The following RNF113B variants were observed in gnomAD, a reference collection of about 807,000 sequenced individuals.
The protein encoded by RNF113B is zinc finger protein 183-like 1.
In RNF113B, 12 loss-of-function variants were observed where a neutral mutation model predicts 22.2. The ratio of observed to expected loss-of-function variants is 0.54; its 90% CI spans 0.35 to 0.87. The LOEUF is 0.87. Among genes scored for constraint, RNF113B ranks in the 40% least tolerant of loss-of-function variants. RNF113B has a pLI of 0.01. For synonymous variants in RNF113B, 194 were observed against 184.6 expected, an observed-to-expected ratio of 1.05 and a Z score of -0.41; for missense variants, 442 against 455.4, an observed-to-expected ratio of 0.97 and a Z score of 0.27.
rs1388358016 is a variant in RNF113B at position 98,176,211 on chromosome 13, A to T, written c.956-35T>A. ...CAAAAAAATTTATTTAAATGTGAGA[A>T]TTATGGGAAACCTAAGCCATGGGAA... On this transcript the variant is annotated intron_variant, in intron 1 of 1. Coordinates refer to ENST00000267291, the MANE Select transcript of RNF113B (RefSeq NM_178861.5). The surrounding 1 kb of genome is among the most constrained non-coding windows in gnomAD (Gnocchi z 6.2). The T allele has an allele frequency of 6.2e-7, 1 of 1,609,504 alleles. No individual in the cohort carries two copies. Among genetic ancestry groups the T allele is most frequent in the Admixed American group, 1.7e-5 (1 of 59,938 alleles).
At position 98,176,473 on chromosome 13, in the gene RNF113B, C is replaced by G. The variant is rs199776079; in HGVS notation, c.764G>C (p.Arg255Thr). The change falls in exon 1 of 2, where the codon AGG becomes ACG. Residue 255 changes from arginine (R) to threonine (T), a missense_variant. Transcript: ENST00000267291. The surrounding 1 kb of genome is among the most constrained non-coding windows in gnomAD (Gnocchi z 6.2). ...GAAGGCCTGGCGACATATGAAACACCTGAATGGTATTTCCTCTTCCTCGCT... is the reference window on the plus strand; with the variant it reads ...GAAGGCCTGGCGACATATGAAACACGTGAATGGTATTTCCTCTTCCTCGCT... Reference protein sequence around the residue: ...VGSEEEEIPFRCFICRQAFQN... With the variant: ...VGSEEEEIPFTCFICRQAFQN... 2 of 1,614,100 alleles carry G rather than the reference C, an allele frequency of 1.2e-6. No individual in the cohort carries two copies. Among genetic ancestry groups the G allele is most frequent in the South Asian group, 2.2e-5 (2 of 91,086 alleles).
At position 98,176,560 on chromosome 13, in the gene RNF113B, A is replaced by G. The variant is rs1429317414; in HGVS notation, c.677T>C (p.Ile226Thr). The change falls in exon 1 of 2, where the codon ATT (isoleucine) becomes ACT (threonine). Residue 226 changes from isoleucine (I) to threonine (T), a missense_variant. Transcript: ENST00000267291. This position sits in a 1 kb window ranked among gnomAD's most constrained non-coding sequence, Gnocchi z 6.2. ...GCGACCCTCTTCAAGCTCCCGTTCA[A>G]TCTCCCACCCGAGCTTGTAATCGGA... ...DRSDYKLGWE[I>T]ERELEEGRYC... 4 of 1,613,946 alleles carry G rather than the reference A, an allele frequency of 2.5e-6. No individual in the cohort carries two copies. The highest frequency in any genetic ancestry group is 3.4e-6 in the Non-Finnish European group (4 of 1,180,008).
Position 98,176,517 on chromosome 13 carries a change from GTCC to G in RNF113B, c.717_719del (p.Glu239del), listed in dbSNP as rs759601974. The G allele has an allele frequency of 5.0e-6, 8 of 1,614,134 alleles. No homozygotes were observed. In the South Asian group the frequency reaches 7.7e-5, roughly 16 times the overall value. ...CCTCGCTTCCCACTTCATGGTTTTCGTCCTCGCAGATACAGTAGCGACCCTCTT... is the reference window on the plus strand; with the variant it reads ...CCTCGCTTCCCACTTCATGGTTTTCGTCGCAGATACAGTAGCGACCCTCTT... On this transcript the variant is annotated inframe_deletion, in exon 1 of 2. Coordinates refer to ENST00000267291, the MANE Select transcript of RNF113B (RefSeq NM_178861.5). This position sits in a 1 kb window ranked among gnomAD's most constrained non-coding sequence, Gnocchi z 6.2.
Position 98,176,816 on chromosome 13 carries a change from G to T in RNF113B, c.421C>A (p.Arg141=). The change falls in exon 1 of 2, where the codon CGG becomes AGG. Residue 141 remains arginine (R), a synonymous_variant. Coordinates refer to ENST00000267291, the MANE Select transcript of RNF113B (RefSeq NM_178861.5). The surrounding 1 kb of genome is among the most constrained non-coding windows in gnomAD (Gnocchi z 6.2). ...SQRVQEALRG[R]EHDHIYRGIH... ...CCCCGGTAGATGTGGTCGTGCTCCC[G>T]ACCCCGCAGTGCCTCCTGGACCCGC... The T allele has an allele frequency of 6.2e-7, 1 of 1,613,082 alleles. No individual in the cohort carries two copies.
rs1877974481 is a variant in RNF113B, at chr13:98,175,872, T to G, written c.*291A>C. On this transcript the variant is annotated 3_prime_UTR_variant, in exon 2 of 2. Coordinates refer to ENST00000267291, the MANE Select transcript of RNF113B (RefSeq NM_178861.5). ...CATGTGATCCTTAAAAGGATCAGTT[T>G]AAATCTTTAAAAGGATTTCCTTCCC... is the stretch of plus-strand genomic sequence containing the variant. 2 of 418,706 alleles carry G rather than the reference T, an allele frequency of 4.8e-6. No individual in the cohort carries two copies. Among genetic ancestry groups the G allele is most frequent in the African/African-American group, 4.0e-5 (2 of 49,610 alleles). The allele number at this position is 418,706 out of a possible 1,614,324, so 25.9% of individuals were successfully genotyped here.
In RNF113B at chr13:98,176,143, C is replaced by T; in HGVS notation, c.*20G>A. Reference sequence around the variant, plus strand: ...CAACAGGCTGCTTCTCCCCAGTGTACATACAGACTTGAGTCTTTCTTATCT... The same window carrying T: ...CAACAGGCTGCTTCTCCCCAGTGTATATACAGACTTGAGTCTTTCTTATCT... On this transcript the variant is annotated 3_prime_UTR_variant, in exon 2 of 2. Coordinates refer to ENST00000267291, the MANE Select transcript of RNF113B (RefSeq NM_178861.5). The surrounding 1 kb of genome is among the most constrained non-coding windows in gnomAD (Gnocchi z 6.2). 6.2e-7 allele frequency: 1 copy of T among 1,601,534 alleles called. No individual in the cohort carries two copies. Among genetic ancestry groups the T allele is most frequent in the Non-Finnish European group, 8.6e-7 (1 of 1,169,264 alleles).
In RNF113B at chr13:98,176,926, C is replaced by T. The variant is rs779033803; in HGVS notation, c.311G>A (p.Gly104Glu). 8.1e-6 allele frequency: 13 copies of T among 1,603,680 alleles called. No homozygotes were observed. In the Admixed American group the frequency reaches 2.2e-4, roughly 27 times the overall value. ...AGCGGTGGCCCCCATGTCCTCTGGC[C>T]CCACAGGCTTCGCCGAGCGGGTGGA... ...YRSTRSAKPV[G>E]PEDMGATADF... is the part of the protein sequence containing the mutation. The change falls in exon 1 of 2, where the codon GGG (glycine) becomes GAG (glutamate). Residue 104 changes from glycine to glutamate, a missense_variant. Coordinates refer to ENST00000267291, the MANE Select transcript of RNF113B (RefSeq NM_178861.5). This position sits in a 1 kb window ranked among gnomAD's most constrained non-coding sequence, Gnocchi z 6.2.
Position 98,176,615 on chromosome 13 carries a change from C to G in RNF113B, c.622G>C (p.Gly208Arg), listed in dbSNP as rs564848599. The G allele has an allele frequency of 2.5e-6, 4 of 1,614,222 alleles. 1 individual carries two copies. The highest frequency in any genetic ancestry group is 3.3e-4 in the Middle Eastern group (2 of 6,062). ...TCGTGGAGGAATTTGCAGCTGTCCCCGAAGCCACAGAAGCCAGTCTCCTTG... is the reference window on the plus strand; with the variant it reads ...TCGTGGAGGAATTTGCAGCTGTCCCGGAAGCCACAGAAGCCAGTCTCCTTG... ...DYKETGFCGF[G>R]DSCKFLHDRS... The change falls in exon 1 of 2, where the codon GGG becomes CGG. Residue 208 changes from glycine (G) to arginine (R), a missense_variant. Gly to Arg is a moderately radical substitution (Grantham distance 125). Coordinates refer to ENST00000267291, the MANE Select transcript of RNF113B (RefSeq NM_178861.5). This position sits in a 1 kb window ranked among gnomAD's most constrained non-coding sequence, Gnocchi z 6.2.
chr13:98,176,613 C>G lies in RNF113B; in HGVS notation c.624G>C (p.Gly208=). 1.2e-6 allele frequency: 2 copies of G among 1,614,198 alleles called. No homozygotes were observed. Among genetic ancestry groups the G allele is most frequent in the Non-Finnish European group, 1.7e-6 (2 of 1,180,042 alleles). Residue 208 remains glycine (G), a synonymous_variant, in exon 1 of 2, where the codon GGG becomes GGC. Coordinates refer to ENST00000267291, the MANE Select transcript of RNF113B (RefSeq NM_178861.5). This position sits in a 1 kb window ranked among gnomAD's most constrained non-coding sequence, Gnocchi z 6.2. The part of the protein sequence containing the change: ...DYKETGFCGF[G]DSCKFLHDRS... ...GGTCGTGGAGGAATTTGCAGCTGTC[C>G]CCGAAGCCACAGAAGCCAGTCTCCT... is the stretch of plus-strand genomic sequence containing the variant.
rs1207482065 is a variant in RNF113B at position 98,177,096 on chromosome 13, G to C, written c.141C>G (p.Ser47Arg). The C allele has an allele frequency of 1.3e-5, 21 of 1,599,888 alleles. No individual in the cohort carries two copies. Among genetic ancestry groups the C allele is most frequent in the Non-Finnish European group, 1.7e-5 (20 of 1,179,518 alleles). Residue 47 changes from serine (S) to arginine (R), a missense_variant, in exon 1 of 2, where the codon AGC becomes AGG. Transcript: ENST00000267291. Reference protein sequence around the residue: ...PACDPEHGESSSSGDEGDTVA... With the variant: ...PACDPEHGESRSSGDEGDTVA... ...CTGTGTCGCCCTCGTCCCCGCTGCT[G>C]CTGCTCTCTCCGTGCTCGGGGTCGC...
chr13:98,175,920 TTGTGTG>T lies in RNF113B; in HGVS notation c.*237_*242del. 1.9e-6 allele frequency: 1 copy of T among 531,080 alleles called. No individual in the cohort carries two copies. The highest frequency in any genetic ancestry group is 3.4e-6 in the Non-Finnish European group (1 of 298,506). 32.9% of individuals were successfully genotyped at this position (531,080 alleles called of 1,614,324 possible). A position where few individuals can be genotyped will look rare whatever the true frequency, so the allele number is the denominator to read the frequency against. On this transcript the variant is annotated 3_prime_UTR_variant, in exon 2 of 2. Transcript: ENST00000267291. Reference sequence around the variant, plus strand: ...CCCGTTAAGGCTTAATAGCATTCCATTGTGTGTGTGTATCGCATTTTGTTTGTCCAT... The same window carrying T: ...CCCGTTAAGGCTTAATAGCATTCCATTGTGTATCGCATTTTGTTTGTCCAT...
rs945497328 is a variant in RNF113B at position 98,176,114 on chromosome 13, T to G, written c.*49A>C. On this transcript the variant is annotated 3_prime_UTR_variant, in exon 2 of 2. Transcript: ENST00000267291. This position sits in a 1 kb window ranked among gnomAD's most constrained non-coding sequence, Gnocchi z 6.2. ...AGGAAGACTGTCATCTCTCTCATCTTACTCAACAGGCTGCTTCTCCCCAGT... is the reference window on the plus strand; with the variant it reads ...AGGAAGACTGTCATCTCTCTCATCTGACTCAACAGGCTGCTTCTCCCCAGT... The G allele has an allele frequency of 6.6e-7, 1 of 1,525,748 alleles. No individual in the cohort carries two copies. The highest frequency in any genetic ancestry group is 2.2e-5 in the East Asian group (1 of 44,532). 94.5% of individuals were successfully genotyped at this position (1,525,748 alleles called of 1,614,324 possible). A position where few individuals can be genotyped will look rare whatever the true frequency, so the allele number is the denominator to read the frequency against.
rs1413426495 is a variant in RNF113B, at chr13:98,176,895, G to T, written c.342C>A (p.Phe114Leu). The change falls in exon 1 of 2, where the codon TTC becomes TTA. Residue 114 changes from phenylalanine to leucine, a missense_variant. Physicochemically the swap from Phe to Leu is conservative, Grantham distance 22. Transcript: ENST00000267291. This position sits in a 1 kb window ranked among gnomAD's most constrained non-coding sequence, Gnocchi z 6.2. ...GPEDMGATADFEQDTEKEHHT... is the reference protein window; with the variant it reads ...GPEDMGATADLEQDTEKEHHT... ...GGTGCTCCTTCTCGGTGTCCTGCTC[G>T]AAGTCAGCGGTGGCCCCCATGTCCT... The T allele has an allele frequency of 3.7e-5, 59 of 1,606,040 alleles. No individual in the cohort carries two copies. Among genetic ancestry groups the T allele is most frequent in the Non-Finnish European group, 4.8e-5 (57 of 1,179,908 alleles).
Position 98,176,805 on chromosome 13 carries a change from G to A in RNF113B, c.432C>T (p.Asp144=), listed in dbSNP as rs776151178. The change falls in exon 1 of 2, where the codon GAC becomes GAT. Residue 144 remains aspartate, a synonymous_variant. Coordinates refer to ENST00000267291, the MANE Select transcript of RNF113B (RefSeq NM_178861.5). This position sits in a 1 kb window ranked among gnomAD's most constrained non-coding sequence, Gnocchi z 6.2. ...AGCTGTGGATTCCCCGGTAGATGTG[G>A]TCGTGCTCCCGACCCCGCAGTGCCT... The part of the protein sequence containing the change: ...VQEALRGREH[D]HIYRGIHSYL... The A allele has an allele frequency of 1.4e-5, 22 of 1,613,264 alleles. No individual in the cohort carries two copies. The highest frequency in any genetic ancestry group is 1.9e-5 in the Non-Finnish European group (22 of 1,180,028).
In RNF113B at chr13:98,177,148, GCCCCTTTCCGT is replaced by G; in HGVS notation, c.78_88del (p.Arg27CysfsTer58). 1 of 1,607,114 alleles carries G rather than the reference GCCCCTTTCCGT, an allele frequency of 6.2e-7. No individual in the cohort carries two copies. The highest frequency in any genetic ancestry group is 8.5e-7 in the Non-Finnish European group (1 of 1,179,704). On this transcript the variant is annotated frameshift_variant, in exon 1 of 2. Transcript: ENST00000267291. LOFTEE classifies it high-confidence loss of function. ...GGCCGGGCGCTTTCTGAGGCCTGCAGCCCCTTTCCGTCCAGGCTTTTTGAAGAGGAAGGTGC... is the reference window on the plus strand; with the variant it reads ...GGCCGGGCGCTTTCTGAGGCCTGCAGCCAGGCTTTTTGAAGAGGAAGGTGC...
chr13:98,175,922 G>GT lies in RNF113B; in HGVS notation c.*240dup. On this transcript the variant is annotated 3_prime_UTR_variant, in exon 2 of 2. Transcript: ENST00000267291. ...CGTTAAGGCTTAATAGCATTCCATT[G>GT]TGTGTGTGTATCGCATTTTGTTTGT... 1 of 534,556 alleles carries GT rather than the reference G, an allele frequency of 1.9e-6. No homozygotes were observed. Among genetic ancestry groups the GT allele is most frequent in the Non-Finnish European group, 3.3e-6 (1 of 300,088 alleles). 33.1% of individuals were successfully genotyped at this position (534,556 alleles called of 1,614,324 possible). A position where few individuals can be genotyped will look rare whatever the true frequency, so the allele number is the denominator to read the frequency against.
Position 98,176,391 on chromosome 13 carries a change from C to T in RNF113B, c.846G>A (p.Glu282=). 1 of 1,614,252 alleles carries T rather than the reference C, an allele frequency of 6.2e-7. No homozygotes were observed. Among genetic ancestry groups the T allele is most frequent in the African/African-American group, 1.3e-5 (1 of 75,078 alleles). ...RHYFCESCAL[E]HFRATPRCYI... is the part of the protein sequence containing the mutation. ...AGCAGCGCGGGGTGGCCCGGAAGTGCTCCAGCGCGCAGCTCTCGCAGAAAT... is the reference window on the plus strand; with the variant it reads ...AGCAGCGCGGGGTGGCCCGGAAGTGTTCCAGCGCGCAGCTCTCGCAGAAAT... Residue 282 remains glutamate, a synonymous_variant, in exon 1 of 2, where the codon GAG becomes GAA. Transcript: ENST00000267291. This position sits in a 1 kb window ranked among gnomAD's most constrained non-coding sequence, Gnocchi z 6.2.
Position 98,176,810 on chromosome 13 carries a change from G to A in RNF113B, c.427C>T (p.His143Tyr). 1 of 1,613,260 alleles carries A rather than the reference G, an allele frequency of 6.2e-7. No homozygotes were observed. The change falls in exon 1 of 2, where the codon CAC (histidine) becomes TAC (tyrosine). Residue 143 changes from histidine to tyrosine, a missense_variant. By Grantham distance (83) the His-to-Tyr change is moderately conservative. Transcript: ENST00000267291. The surrounding 1 kb of genome is among the most constrained non-coding windows in gnomAD (Gnocchi z 6.2). ...RVQEALRGREHDHIYRGIHSY... is the reference protein window; with the variant it reads ...RVQEALRGREYDHIYRGIHSY... ...TGGATTCCCCGGTAGATGTGGTCGT[G>A]CTCCCGACCCCGCAGTGCCTCCTGG... is the stretch of plus-strand genomic sequence containing the variant.
In RNF113B at chr13:98,176,695, C is replaced by T. The variant is rs1419245506; in HGVS notation, c.542G>A (p.Gly181Glu). ...CCAGCGCACAGTGGCGCGCAGATGC[C>T]CTGGCGCACGTATGGGGCCCTTCCT... is the stretch of plus-strand genomic sequence containing the variant. ...MARKGPIRAP[G>E]HLRATVRWDY... is the part of the protein sequence containing the mutation. The change falls in exon 1 of 2, where the codon GGG becomes GAG. Residue 181 changes from glycine (G) to glutamate (E), a missense_variant. Gly to Glu is a moderately conservative substitution (Grantham distance 98). Coordinates refer to ENST00000267291, the MANE Select transcript of RNF113B (RefSeq NM_178861.5). The surrounding 1 kb of genome is among the most constrained non-coding windows in gnomAD (Gnocchi z 6.2). 1.9e-6 allele frequency: 3 copies of T among 1,614,090 alleles called. No homozygotes were observed. The highest frequency in any genetic ancestry group is 3.3e-5 in the Admixed American group (2 of 60,008).
Sources: allele counts gnomAD v4.1 joint callset, GRCh38; gene constraint gnomAD v4.1.1; non-coding constraint Gnocchi (gnomAD v3.1); transcripts MANE v1.5; gene names NCBI Gene and HGNC (gene_info 2026-07-23, HGNC 2026-07-21).